HSF2BP: variants seen among roughly 807,000 people sequenced by gnomAD.
HSF2BP encodes heat shock factor 2-binding protein.
In HSF2BP, 35 loss-of-function variants were observed where a neutral mutation model predicts 35.0. The ratio of observed to expected loss-of-function variants is 1.00; its 90% confidence interval spans 0.76 to 1.32. HSF2BP has a LOEUF of 1.32. Ranked by LOEUF, HSF2BP falls within the 40% of genes most tolerant of loss-of-function variation. HSF2BP has a pLI of 0.00. For synonymous variants in HSF2BP, 114 were observed against 117.4 expected, an observed-to-expected ratio of 0.97 and a Z score of 0.18; for missense variants, 326 against 321.7, an observed-to-expected ratio of 1.01 and a Z score of -0.10.
chr21:43,595,049 C>A (rs2081968403), intron 7 of HSF2BP, among the ~76,000 whole-genome samples: 1 of 152,216 alleles, frequency 6.6e-6, no homozygotes, highest in Admixed American at 6.5e-5. Context: ...CTGCTTGAGG[C>A]CAGGAGTCCA....
intron 7 of HSF2BP, among the ~76,000 whole-genome samples, chr21:43,601,550 C>T (rs1426599413): frequency 3.3e-5 from 5 of 152,004 alleles, no homozygotes; most frequent in African/African-American, 4.8e-5. Flanking sequence ...TTAAAATGTA[C>T]ACAGAATGAC....
In HSF2BP at chr21:43,637,305, C is replaced by T. The variant is rs552761484; in HGVS notation, c.292-3884G>A. Among the ~76,000 whole-genome samples, 117 of 152,170 alleles carry T rather than the reference C, an allele frequency of 7.7e-4. 1 individual carries two copies. The highest frequency in any genetic ancestry group is 1.1e-3 in the Non-Finnish European group (77 of 68,004). ...ACATTATGCCAGACACAGAAGACTA[C>T]ATATTATACACATATTATATAATTC... On this transcript the variant is annotated intron_variant, in intron 4 of 8. Transcript: ENST00000291560.
At chr21:43,591,577 A>C (rs961027492) in intron 8 of HSF2BP, among the ~76,000 whole-genome samples, 5 of 152,252 alleles carry the variant, frequency 3.3e-5, no homozygotes, top group Admixed American at 6.5e-5. Context: ...TTTTTAAAAG[A>C]AAGAACATCT....
At chr21:43,619,899 C>T (rs1153367) in intron 6 of HSF2BP, among the ~76,000 whole-genome samples, 3,798 of 152,324 alleles carry the variant, frequency 0.025, 70 homozygotes, top group Non-Finnish European at 0.04. Context: ...TCCCACAGGT[C>T]CCCTGGGCAC....
At chr21:43,644,175 C>G in intron 4 of HSF2BP, 114 bp downstream of exon 4, 1 of 687,498 alleles carries the variant, frequency 1.5e-6, no homozygotes, top group South Asian at 1.8e-5. Flanking sequence ...TTTACAAATA[C>G]AATTTATTGA....
chr21:43,587,117 C>A (rs1236998466), intron 8 of HSF2BP, among the ~76,000 whole-genome samples: 1 of 152,128 alleles, frequency 6.6e-6, no homozygotes, highest in Non-Finnish European at 1.5e-5. Flanking sequence ...TATTTTTGTT[C>A]CTATTTTCCT....
intron 8 of HSF2BP, among the ~76,000 whole-genome samples, chr21:43,591,721 T>A (rs2081927785): frequency 6.6e-6 from 1 of 152,188 alleles, no homozygotes; most frequent in Non-Finnish European, 1.5e-5. Flanking sequence ...TCTGGAAACA[T>A]CAAATGGAAA....
chr21:43,582,448 A>C (rs4997353), intron 8 of HSF2BP, among the ~76,000 whole-genome samples: 67,357 of 113,568 alleles, frequency 0.59, 21,100 homozygotes, highest in East Asian at 0.79. Flanking sequence ...GTACCTGTTG[A>C]GGGAGATGAG....
intron 3 of HSF2BP, among the ~76,000 whole-genome samples, chr21:43,650,744 G>C (rs1255870080): frequency 1.0e-5 from 1 of 96,890 alleles, no homozygotes; most frequent in African/African-American, 4.1e-5. Context: ...GTCTCACTTT[G>C]TCACCCAGTT....
intron 3 of HSF2BP, among the ~76,000 whole-genome samples, chr21:43,655,351 G>A (rs2082852009): frequency 6.6e-6 from 1 of 152,196 alleles, no homozygotes; most frequent in South Asian, 2.1e-4. Context: ...GTATCTGGCA[G>A]AGTCCCAGTG....
chr21:43,658,782 C>T (rs978876926), intron 1 of HSF2BP, among the ~76,000 whole-genome samples: 3 of 152,258 alleles, frequency 2.0e-5, no homozygotes, highest in Admixed American at 6.5e-5. Context: ...CGCCCTTGCA[C>T]TGGCACCAGG....
At chr21:43,639,164 A>G (rs1303891328) in intron 4 of HSF2BP, among the ~76,000 whole-genome samples, 1 of 152,256 alleles carries the variant, frequency 6.6e-6, no homozygotes, top group Admixed American at 6.5e-5. Flanking sequence ...AATGAATCAT[A>G]GACTTAAATG....
intron 6 of HSF2BP, among the ~76,000 whole-genome samples, chr21:43,617,218 T>C (rs1601676009): frequency 6.6e-6 from 1 of 151,686 alleles, no homozygotes. Context: ...ACATTACTAA[T>C]ACATCGCTGA....
chr21:43,652,072 C>A (rs1387691595), intron 3 of HSF2BP, among the ~76,000 whole-genome samples: 2 of 152,210 alleles, frequency 1.3e-5, no homozygotes, highest in Admixed American at 6.5e-5. Context: ...TCCTTCCCTG[C>A]CTGTATTCAT....
At chr21:43,583,320 G>A in intron 8 of HSF2BP, among the ~76,000 whole-genome samples, 1 of 99,100 alleles carries the variant, frequency 1.0e-5, no homozygotes, top group African/African-American at 4.3e-5. Context: ...GCCTGGTGAG[G>A]GGGATGAGGG....
chr21:43,577,381 T>G (rs745527850), intron 8 of HSF2BP, among the ~76,000 whole-genome samples: 1 of 152,216 alleles, frequency 6.6e-6, no homozygotes, highest in Admixed American at 6.5e-5. Flanking sequence ...AAGTACAAAA[T>G]ACTTCAGCTA....
intron 7 of HSF2BP, among the ~76,000 whole-genome samples, chr21:43,598,595 G>C (rs566713138): frequency 4.6e-5 from 7 of 152,108 alleles, no homozygotes; most frequent in African/African-American, 1.7e-4. Context: ...GCACCCTCCA[G>C]AACAGGGTGC....
chr21:43,596,913 T>C (rs1394539943), intron 7 of HSF2BP, among the ~76,000 whole-genome samples: 2 of 132,434 alleles, frequency 1.5e-5, no homozygotes, highest in Non-Finnish European at 3.2e-5. Flanking sequence ...AAAGAGAATT[T>C]TTTTTTATAA....
chr21:43,498,633 G>A, the HSF2BP span, among the ~76,000 whole-genome samples: 4 of 90,140 alleles, frequency 4.4e-5, no homozygotes, highest in African/African-American at 2.0e-4. Context: ...GGTGGGGCCA[G>A]TGCAGGGACC....
Sources: allele counts gnomAD v4.1 joint callset (sites outside exome capture counted in the v4.1 genomes callset), GRCh38; gene constraint gnomAD v4.1.1; transcripts MANE v1.5; gene names NCBI Gene and HGNC (gene_info 2026-07-23, HGNC 2026-07-21).